EXOC4: variants seen among roughly 807,000 people sequenced by gnomAD.
The protein encoded by EXOC4 is SEC8-like 1.
Under a neutral mutation model 107.2 loss-of-function variants are expected in EXOC4, and 71 were observed. That is an observed-to-expected ratio of 0.66 (90% CI 0.55 to 0.81). The LOEUF is 0.81. Ranked by LOEUF, EXOC4 falls within the 30% of genes least tolerant of loss-of-function variation. EXOC4 has a pLI of 0.00. For synonymous variants in EXOC4, 456 were observed against 441.2 expected, an observed-to-expected ratio of 1.03 and a Z score of -0.42; for missense variants, 1,108 against 1,189.6, an observed-to-expected ratio of 0.93 and a Z score of 1.01.
chr7:133,665,931 T>C (rs1793802664), intron 10 of EXOC4, among the ~76,000 whole-genome samples: 1 of 152,192 alleles, frequency 6.6e-6, no homozygotes, highest in South Asian at 2.1e-4. Flanking sequence ...AAGACCCTGG[T>C]TTTGCTACCT....
At chr7:133,970,266 C>T (rs1801172537) in intron 14 of EXOC4, among the ~76,000 whole-genome samples, 1 of 152,144 alleles carries the variant, frequency 6.6e-6, no homozygotes, top group Non-Finnish European at 1.5e-5. Context: ...GCTAGTGGAT[C>T]TTAGCTTGCT....
Position 133,855,470 on chromosome 7 carries a change from A to G in EXOC4, c.1734+37926A>G, listed in dbSNP as rs377405801. Among the ~76,000 whole-genome samples, 3 of 152,140 alleles carry G rather than the reference A, an allele frequency of 2.0e-5. No homozygotes were observed. The East Asian group carries it at 5.8e-4, about 30-fold the overall frequency. On this transcript the variant is annotated intron_variant, in intron 11 of 17. Coordinates refer to ENST00000253861, the MANE Select transcript of EXOC4 (RefSeq NM_021807.4). ...AGAATTGATTATCTCAATTCTAAAG[A>G]TATCAGCACATTTGGAGATATGTGG...
At chr7:133,886,881 A>C (rs964929695) in intron 11 of EXOC4, among the ~76,000 whole-genome samples, 24 of 152,182 alleles carry the variant, frequency 1.6e-4, no homozygotes, top group African/African-American at 5.8e-4. Context: ...TGAAAAATGG[A>C]AACTTTTTTC....
chr7:133,553,661 C>G (rs971675187), intron 9 of EXOC4, among the ~76,000 whole-genome samples: 9 of 151,926 alleles, frequency 5.9e-5, no homozygotes, highest in Non-Finnish European at 1.2e-4. Context: ...TTTTTTTCCT[C>G]TTTTGCCAGG....
At chr7:133,535,775 C>T (rs949593115) in intron 9 of EXOC4, among the ~76,000 whole-genome samples, 5 of 152,210 alleles carry the variant, frequency 3.3e-5, no homozygotes, top group African/African-American at 9.6e-5. Flanking sequence ...TTTTCTTCCT[C>T]TCAAGGCTAG....
At chr7:133,512,333 G>T (rs1220310270) in intron 9 of EXOC4, among the ~76,000 whole-genome samples, 1 of 152,068 alleles carries the variant, frequency 6.6e-6, no homozygotes, top group African/African-American at 2.4e-5. Context: ...GGGAACTAAG[G>T]CAGTAGAATC....
At chr7:133,347,591 A>G (rs1200910627) in intron 5 of EXOC4, among the ~76,000 whole-genome samples, 1 of 152,214 alleles carries the variant, frequency 6.6e-6, no homozygotes. Flanking sequence ...TGAAAGGACC[A>G]TAGATATTAT....
chr7:133,691,939 G>A (rs760105468), intron 10 of EXOC4, among the ~76,000 whole-genome samples: 28 of 152,124 alleles, frequency 1.8e-4, no homozygotes, highest in Non-Finnish European at 3.5e-4. Context: ...CACTGTGTAC[G>A]TCATAATCTC....
At chr7:133,339,808 G>C (rs1435170739) in intron 5 of EXOC4, among the ~76,000 whole-genome samples, 2 of 152,130 alleles carry the variant, frequency 1.3e-5, no homozygotes, top group Non-Finnish European at 2.9e-5. Context: ...TTGATTGTCA[G>C]CTTGGTCACA....
intron 17 of EXOC4, among the ~76,000 whole-genome samples, chr7:134,029,336 A>G (rs1244508232): frequency 6.6e-6 from 1 of 152,200 alleles, no homozygotes; most frequent in Non-Finnish European, 1.5e-5. Context: ...AGTCAAAAGA[A>G]ACCACGCACT....
chr7:133,748,668 T>C (rs2151135807), intron 10 of EXOC4, among the ~76,000 whole-genome samples: 1 of 152,254 alleles, frequency 6.6e-6, no homozygotes, highest in South Asian at 2.1e-4. Flanking sequence ...TCCTGTGCTC[T>C]CTCCCTTCCC....
chr7:134,051,205 T>C (rs1375328727), intron 17 of EXOC4, among the ~76,000 whole-genome samples: 1 of 152,174 alleles, frequency 6.6e-6, no homozygotes, highest in Admixed American at 6.5e-5. Context: ...AACCAGATCT[T>C]GAGAAAGACA....
chr7:133,485,449 C>T (rs960038620), intron 9 of EXOC4, among the ~76,000 whole-genome samples: 1 of 152,034 alleles, frequency 6.6e-6, no homozygotes, highest in Non-Finnish European at 1.5e-5. Context: ...TGATCTCAGC[C>T]AAGACCAAGC....
intron 14 of EXOC4, among the ~76,000 whole-genome samples, chr7:133,961,990 G>T (rs1336778827): frequency 2.0e-5 from 3 of 152,210 alleles, no homozygotes; most frequent in Non-Finnish European, 4.4e-5. Context: ...TTGAGGCCAA[G>T]CTTGGTGGAA....
At chr7:133,958,989 C>T (rs949702748) in intron 14 of EXOC4, among the ~76,000 whole-genome samples, 3 of 152,174 alleles carry the variant, frequency 2.0e-5, no homozygotes, top group African/African-American at 7.2e-5. Context: ...AAAGTCTTTT[C>T]TGAAAAATCT....
intron 5 of EXOC4, among the ~76,000 whole-genome samples, chr7:133,321,890 T>C (rs1795121066): frequency 6.6e-6 from 1 of 152,158 alleles, no homozygotes; most frequent in Admixed American, 6.5e-5. Flanking sequence ...CATCTGTCGT[T>C]TCCTGACTTT....
At chr7:133,899,734 C>A (rs1194144453) in intron 12 of EXOC4, among the ~76,000 whole-genome samples, 1 of 147,752 alleles carries the variant, frequency 6.8e-6, no homozygotes, top group Non-Finnish European at 1.5e-5. Context: ...ACCCAGTGTT[C>A]CAGATGTACT....
At position 133,470,697 on chromosome 7, in the gene EXOC4, T is replaced by G. The variant is rs112118187; in HGVS notation, c.1183-4631T>G. ...GCTCTTGATGAACAACAAATAGAAA[T>G]TCATGGTACTTAAAAATAGTAAAGA... On this transcript the variant is annotated intron_variant, in intron 7 of 17. Transcript: ENST00000253861. Among the ~76,000 whole-genome samples, 551 of 152,262 alleles carry G rather than the reference T, an allele frequency of 3.6e-3. 5 individuals carry two copies. Among genetic ancestry groups the G allele is most frequent in the African/African-American group, 0.012 (514 of 41,540 alleles).
chr7:134,052,397 G>A (rs1035328824), intron 17 of EXOC4, among the ~76,000 whole-genome samples: 1 of 151,334 alleles, frequency 6.6e-6, no homozygotes, highest in Admixed American at 6.6e-5. Context: ...GAGGGGTGAG[G>A]ATCAAAGGCA....
Sources: gnomAD v4.1 joint callset for allele counts (sites outside exome capture counted in the v4.1 genomes callset) on GRCh38, gnomAD v4.1.1 for gene constraint, MANE v1.5 for transcripts, NCBI Gene and HGNC (gene_info 2026-07-23, HGNC 2026-07-21) for gene names.